CLNK: variants seen among roughly 807,000 people sequenced by gnomAD.
The protein encoded by CLNK is cytokine dependent hematopoietic cell linker.
In CLNK, 74 loss-of-function variants were observed where a neutral mutation model predicts 68.6. That is an observed-to-expected ratio of 1.08 (90% confidence interval 0.89 to 1.31). CLNK has a LOEUF of 1.31. CLNK is among the 50% of genes most tolerant of loss of function. The pLI, the probability that CLNK is intolerant of heterozygous loss-of-function variation, is 0.00. For missense variants in CLNK, 553 were observed against 515.3 expected (o/e 1.07, Z -0.71); for synonymous variants, 198 against 172.2 (o/e 1.15, Z -1.17).
intron 1 of CLNK, among the ~76,000 whole-genome samples, chr4:10,675,490 T>G (rs1317718707): frequency 6.6e-6 from 1 of 152,216 alleles, no homozygotes; most frequent in Non-Finnish European, 1.5e-5. Context: ...TGAGAACTCT[T>G]GTTCTCCACT....
intron 18 of CLNK, among the ~76,000 whole-genome samples, chr4:10,500,996 G>C (rs1046305979): frequency 1.3e-5 from 2 of 152,230 alleles, no homozygotes; most frequent in Non-Finnish European, 2.9e-5. Context: ...CTGGGAGGCA[G>C]AGTTTAGATG....
At chr4:10,684,788 T>C (rs1725210120), upstream of CLNK, 1 of 152,188 alleles carries the variant, frequency 6.6e-6, no homozygotes, top group African/African-American at 2.4e-5. Flanking sequence ...TGAATTCTTC[T>C]CGATGCTAAG....
At chr4:10,730,779 C>T in the CLNK span, among the ~76,000 whole-genome samples, 4 of 152,150 alleles carry the variant, frequency 2.6e-5, no homozygotes, top group African/African-American at 7.2e-5. Flanking sequence ...CTCATATGTA[C>T]GTTTAACCAT....
chr4:10,490,679 G>T, intron 18 of CLNK, 66 bp from the exon 19 acceptor site: 1 of 1,332,892 alleles, frequency 7.5e-7, no homozygotes, highest in Non-Finnish European at 1.0e-6. Flanking sequence ...TTAAAGTATA[G>T]CCAAGGTGCT....
intron 2 of CLNK, among the ~76,000 whole-genome samples, chr4:10,618,282 T>C (rs1392179526): frequency 6.6e-6 from 1 of 152,202 alleles, no homozygotes; most frequent in Non-Finnish European, 1.5e-5. Flanking sequence ...AAAATACCTA[T>C]TGACTGATTT....
chr4:10,566,061 C>A lies in CLNK; in HGVS notation c.240G>T (p.Trp80Cys), dbSNP rs1720096845. 1 of 1,613,910 alleles carries A rather than the reference C, an allele frequency of 6.2e-7. No homozygotes were observed. Among genetic ancestry groups the A allele is most frequent in the Admixed American group, 1.7e-5 (1 of 60,020 alleles). ...GGGCTGGTAAAATTTTAATCGACTGCCATGTCTCTTCCATCCGAAGCTCAG... is the reference window on the plus strand; with the variant it reads ...GGGCTGGTAAAATTTTAATCGACTGACATGTCTCTTCCATCCGAAGCTCAG... Reference protein sequence around the residue: ...DDPELRMEETWQSIKILPARP... With the variant: ...DDPELRMEETCQSIKILPARP... Residue 80 changes from tryptophan (W) to cysteine (C), a missense_variant, in exon 6 of 19, where the codon TGG (tryptophan) becomes TGT (cysteine). Coordinates refer to ENST00000226951, the MANE Select transcript of CLNK (RefSeq NM_052964.4).
At chr4:10,671,156 C>T (rs568720554) in intron 1 of CLNK, among the ~76,000 whole-genome samples, 23 of 152,076 alleles carry the variant, frequency 1.5e-4, no homozygotes, top group Admixed American at 2.0e-4. Context: ...GAGGCCGAGG[C>T]GACTGGATCA....
intron 8 of CLNK, among the ~76,000 whole-genome samples, chr4:10,555,994 A>G (rs969866283): frequency 6.6e-6 from 1 of 152,238 alleles, no homozygotes. Context: ...GAAGTCTTCT[A>G]TACAACCTGC....
At chr4:10,596,218 T>TAAAAA (rs1721378844) in intron 3 of CLNK, among the ~76,000 whole-genome samples, 3 of 151,826 alleles carry the variant, frequency 2.0e-5, no homozygotes, top group Non-Finnish European at 4.4e-5. Context: ...AGAGACGGGG[T>TAAAAA]TTCTCCATGT....
At chr4:10,527,157 G>A (rs111788031) in intron 13 of CLNK, among the ~76,000 whole-genome samples, 18 of 152,328 alleles carry the variant, frequency 1.2e-4, no homozygotes, top group African/African-American at 3.8e-4. Flanking sequence ...ACATTGTTGT[G>A]TTAATAATCA....
intron 15 of CLNK, 49 bp downstream of exon 15, chr4:10,520,742 C>G: frequency 7.1e-7 from 1 of 1,403,100 alleles, no homozygotes; most frequent in South Asian, 1.2e-5. Context: ...CACAATATCA[C>G]AGTATCGTGA....
chr4:10,559,074 A>G (rs977739345), intron 7 of CLNK, among the ~76,000 whole-genome samples: 1 of 152,248 alleles, frequency 6.6e-6, no homozygotes, highest in Non-Finnish European at 1.5e-5. Flanking sequence ...GAATTCATGT[A>G]TCACTATTAA....
At chr4:10,711,240 G>A in the CLNK span, among the ~76,000 whole-genome samples, 2 of 152,156 alleles carry the variant, frequency 1.3e-5, no homozygotes, top group Non-Finnish European at 2.9e-5. Flanking sequence ...TGGGAATTAG[G>A]AACAGGGAGA....
intron 17 of CLNK, among the ~76,000 whole-genome samples, chr4:10,501,768 A>C (rs1003242423): frequency 6.6e-6 from 1 of 152,156 alleles, no homozygotes; most frequent in Non-Finnish European, 1.5e-5. Flanking sequence ...CTCTACTAAA[A>C]TTACAAGAAT....
chr4:10,532,211 C>A, intron 12 of CLNK, 45 bp downstream of exon 12: 1 of 1,520,784 alleles, frequency 6.6e-7, no homozygotes, highest in Non-Finnish European at 9.1e-7. Context: ...CATTTAATGC[C>A]TCAAAATTCC....
At chr4:10,723,919 A>AGAGAGACAGAGAG in the CLNK span, among the ~76,000 whole-genome samples, 8 of 148,012 alleles carry the variant, frequency 5.4e-5, no homozygotes, top group South Asian at 2.2e-4. Flanking sequence ...AGAGAGAGAG[A>AGAGAGACAGAGAG]AGGCAGGGCA....
intron 11 of CLNK, among the ~76,000 whole-genome samples, chr4:10,537,670 TCTTTCTTTCTTC>T (rs1407326647): frequency 3.9e-4 from 18 of 46,684 alleles, no homozygotes; most frequent in African/African-American, 4.3e-4. Context: ...TTTCTTTCTT[TCTTTCTTTCTTC>T]CTTCCTTCCT....
intron 2 of CLNK, among the ~76,000 whole-genome samples, chr4:10,599,026 G>T (rs1459821308): frequency 6.6e-6 from 1 of 152,200 alleles, no homozygotes; most frequent in Admixed American, 6.5e-5. Context: ...CTCAGCTCAA[G>T]TGCTACTTCC....
intron 2 of CLNK, among the ~76,000 whole-genome samples, chr4:10,664,750 C>T (rs1268304339): frequency 1.3e-5 from 2 of 152,212 alleles, no homozygotes; most frequent in Non-Finnish European, 2.9e-5. Flanking sequence ...GCCCTTAGAT[C>T]AACAGCATCT....
Sources: allele counts gnomAD v4.1 joint callset (sites outside exome capture counted in the v4.1 genomes callset), GRCh38; gene constraint gnomAD v4.1.1; transcripts MANE v1.5; gene names NCBI Gene and HGNC (gene_info 2026-07-23, HGNC 2026-07-21).